Variants in SPATA17 observed in about 807,000 individuals in gnomAD.
The protein encoded by SPATA17 is spermatogenesis associated 17.
A neutral mutation model predicts 62.2 loss-of-function variants in SPATA17; 53 were observed. The observed-to-expected ratio is 0.85, with a 90% CI of 0.68 to 1.07. The LOEUF (loss-of-function observed/expected upper bound fraction) is 1.07, where lower values mean the gene tolerates loss of function less well. SPATA17 is among the 50% of genes least tolerant of loss of function. The probability of loss-of-function intolerance (pLI) is 0.00; values close to 1 mark genes in which losing one functional copy is unlikely to be tolerated. For synonymous variants in SPATA17, 146 were observed against 146.8 expected, an observed-to-expected ratio of 0.99 and a Z score of 0.04; for missense variants, 466 against 425.5, an observed-to-expected ratio of 1.10 and a Z score of -0.84.
intron 5 of SPATA17, among the ~76,000 whole-genome samples, chr1:217,730,160 A>G (rs578064237): frequency 2.6e-5 from 4 of 152,328 alleles, no homozygotes; most frequent in South Asian, 2.1e-4. Flanking sequence ...GAAATTTTAC[A>G]TATAAGTCCT....
intron 8 of SPATA17, among the ~76,000 whole-genome samples, chr1:217,800,737 G>A (rs1275979169): frequency 6.6e-6 from 1 of 151,966 alleles, no homozygotes; most frequent in East Asian, 1.9e-4. Context: ...TAACTCTTTT[G>A]TGTCATTTAT....
At chr1:217,656,896 G>C (rs1670456824) in intron 3 of SPATA17, among the ~76,000 whole-genome samples, 1 of 152,142 alleles carries the variant, frequency 6.6e-6, no homozygotes, top group Non-Finnish European at 1.5e-5. Flanking sequence ...TTCAAACTCA[G>C]TTTGACCTGA....
chr1:217,687,866 T>C (rs538619720), intron 5 of SPATA17, among the ~76,000 whole-genome samples: 4 of 152,336 alleles, frequency 2.6e-5, no homozygotes, highest in African/African-American at 9.6e-5. Context: ...AATTGAGCAA[T>C]AAAAATGTTT....
intron 5 of SPATA17, among the ~76,000 whole-genome samples, chr1:217,736,893 G>C (rs1240158791): frequency 1.3e-5 from 2 of 152,200 alleles, no homozygotes; most frequent in African/African-American, 4.8e-5. Context: ...TGGCCACACA[G>C]AGCTACCTGG....
At chr1:217,767,138 A>G (rs1219659575) in intron 6 of SPATA17, among the ~76,000 whole-genome samples, 1 of 152,130 alleles carries the variant, frequency 6.6e-6, no homozygotes, top group African/African-American at 2.4e-5. Flanking sequence ...TTTATAGGGT[A>G]GAGTGTAGGC....
intron 9 of SPATA17, among the ~76,000 whole-genome samples, chr1:217,830,319 T>C (rs572072121): frequency 1.3e-5 from 2 of 152,254 alleles, no homozygotes; most frequent in East Asian, 1.9e-4. Context: ...ATATAGACCA[T>C]AAAAATGACA....
intron 9 of SPATA17, among the ~76,000 whole-genome samples, chr1:217,831,365 A>G (rs1339759282): frequency 6.6e-6 from 1 of 152,010 alleles, no homozygotes; most frequent in Non-Finnish European, 1.5e-5. Flanking sequence ...TTCACTCTTA[A>G]TATGCTCAAT....
At chr1:217,704,040 C>T (rs1671666727) in intron 5 of SPATA17, among the ~76,000 whole-genome samples, 1 of 151,596 alleles carries the variant, frequency 6.6e-6, no homozygotes, top group Non-Finnish European at 1.5e-5. Context: ...TCTCTTTAAA[C>T]ATTTTTTGTT....
chr1:217,712,128 C>CTTTTTTTTTTTTTTTTTTTTTTTT lies in SPATA17; in HGVS notation c.395+28771_395+28772insTTTTTTTTTTTTTTTTTTTTTTTT, dbSNP rs551988828. On this transcript the variant is annotated intron_variant, in intron 5 of 10. Coordinates refer to ENST00000366933, the MANE Select transcript of SPATA17 (RefSeq NM_138796.4). ...GGACCCTTAAGTTCTACAATATGTT[C>CTTTTTTTTTTTTTTTTTTTTTTTT]TTTTGTTTTTTTTTTTTTACGGAGT... Among the ~76,000 whole-genome samples, 8 of 134,118 alleles carry CTTTTTTTTTTTTTTTTTTTTTTTT rather than the reference C, an allele frequency of 6.0e-5. 2 individuals carry two copies. The highest frequency in any genetic ancestry group is 8.6e-5 in the African/African-American group (3 of 34,934). 88.0% of individuals were successfully genotyped at this position (134,118 alleles called of 152,430 possible). A position where few individuals can be genotyped will look rare whatever the true frequency, so the allele number is the denominator to read the frequency against.
At chr1:217,726,723 T>C (rs1025918332) in intron 5 of SPATA17, among the ~76,000 whole-genome samples, 2 of 151,860 alleles carry the variant, frequency 1.3e-5, no homozygotes, top group Non-Finnish European at 2.9e-5. Flanking sequence ...GTGTGTTTTT[T>C]TTTTCATTTT....
At chr1:217,802,009 A>G (rs1167768658) in intron 9 of SPATA17, among the ~76,000 whole-genome samples, 159 bp downstream of exon 9, 1 of 151,402 alleles carries the variant, frequency 6.6e-6, no homozygotes, top group Non-Finnish European at 1.5e-5. Context: ...TGACCTATGT[A>G]AGATTTTTTT....
chr1:217,659,552 G>A (rs1239740257), intron 3 of SPATA17, among the ~76,000 whole-genome samples: 2 of 151,950 alleles, frequency 1.3e-5, no homozygotes, highest in Non-Finnish European at 2.9e-5. Flanking sequence ...ATGTGCAGGT[G>A]GTATCTGTTT....
intron 1 of SPATA17, among the ~76,000 whole-genome samples, chr1:217,635,962 G>A (rs755494991): frequency 4.0e-5 from 6 of 151,544 alleles, no homozygotes; most frequent in Non-Finnish European, 5.9e-5. Flanking sequence ...GAGAAACCCC[G>A]TCTCTACTAA....
chr1:217,826,337 T>A (rs935875120), intron 9 of SPATA17, among the ~76,000 whole-genome samples: 1 of 152,124 alleles, frequency 6.6e-6, no homozygotes, highest in Non-Finnish European at 1.5e-5. Context: ...CATCTCTTTG[T>A]AGGCCCAAAT....
intron 9 of SPATA17, among the ~76,000 whole-genome samples, chr1:217,819,016 C>G (rs1229168092): frequency 6.7e-6 from 1 of 149,632 alleles, no homozygotes; most frequent in Non-Finnish European, 1.5e-5. Flanking sequence ...AAATAAGTTT[C>G]CTGCATGTCT....
chr1:217,642,770 TA>T (rs760950345), intron 1 of SPATA17, among the ~76,000 whole-genome samples: 11 of 152,208 alleles, frequency 7.2e-5, no homozygotes, highest in Non-Finnish European at 1.2e-4. Flanking sequence ...ACCATGATTG[TA>T]AGTTTCCTGA....
At chr1:217,803,251 G>A (rs1298129873) in intron 9 of SPATA17, among the ~76,000 whole-genome samples, 1 of 152,066 alleles carries the variant, frequency 6.6e-6, no homozygotes, top group Non-Finnish European at 1.5e-5. Context: ...GTATAGTACT[G>A]GAAGTCCTAG....
At chr1:217,667,298 C>T (rs553809140) in intron 3 of SPATA17, among the ~76,000 whole-genome samples, 3 of 151,994 alleles carry the variant, frequency 2.0e-5, no homozygotes, top group South Asian at 2.1e-4. Flanking sequence ...TCGCCTGCCT[C>T]GGCCTCCCAA....
At chr1:217,818,134 T>C (rs1269181430) in intron 9 of SPATA17, among the ~76,000 whole-genome samples, 1 of 152,058 alleles carries the variant, frequency 6.6e-6, no homozygotes, top group Non-Finnish European at 1.5e-5. Flanking sequence ...TGCCAGTATT[T>C]TATTATTCTT....
Sources: gnomAD v4.1 joint callset for allele counts (sites outside exome capture counted in the v4.1 genomes callset) on GRCh38, gnomAD v4.1.1 for gene constraint, MANE v1.5 for transcripts, NCBI Gene and HGNC (gene_info 2026-07-23, HGNC 2026-07-21) for gene names.